Variants in PKIB observed in about 807,000 individuals in gnomAD.
The protein encoded by PKIB is cAMP-dependent protein kinase inhibitor beta.
PKIB carries 2 observed loss-of-function variants against 4.5 expected under a neutral mutation model. The observed-to-expected ratio is 0.44, with a 90% CI of 0.18 to 1.39. The LOEUF (loss-of-function observed/expected upper bound fraction) is 1.39, where lower values mean the gene tolerates loss of function less well. PKIB is among the 40% of genes most tolerant of loss of function. The pLI is 0.27. For missense variants in PKIB, 94 were observed against 92.6 expected, an observed-to-expected ratio of 1.02 and a Z score of -0.06; for synonymous variants, 38 against 36.0, an observed-to-expected ratio of 1.06 and a Z score of -0.20.
intron 1 of PKIB, among the ~76,000 whole-genome samples, chr6:122,622,942 T>G (rs1474002072): frequency 6.6e-6 from 1 of 152,206 alleles, no homozygotes; most frequent in Non-Finnish European, 1.5e-5. Context: ...TGATTTCAGT[T>G]TCTTTCTTCT....
At chr6:122,572,183 A>T (rs1323861697) in intron 2 of PKIB, among the ~76,000 whole-genome samples, 2 of 152,160 alleles carry the variant, frequency 1.3e-5, no homozygotes, top group African/African-American at 4.8e-5. Context: ...AAACAATACA[A>T]TAAAAAAAGA....
chr6:122,715,504 A>G (rs903933944), intron 3 of PKIB, among the ~76,000 whole-genome samples: 3 of 151,928 alleles, frequency 2.0e-5, no homozygotes, highest in African/African-American at 7.2e-5. Flanking sequence ...ACTGAAATTA[A>G]TGTACCATGG....
intron 2 of PKIB, among the ~76,000 whole-genome samples, chr6:122,671,125 C>T (rs1190254921): frequency 6.6e-6 from 1 of 152,018 alleles, no homozygotes; most frequent in Admixed American, 6.5e-5. Flanking sequence ...AACCCTGTCT[C>T]TACTAAAAAT....
intron 2 of PKIB, among the ~76,000 whole-genome samples, chr6:122,508,410 A>G (rs1776483359): frequency 6.6e-6 from 1 of 152,216 alleles, no homozygotes; most frequent in African/African-American, 2.4e-5. Flanking sequence ...ATGTTGTACA[A>G]TGTCCTTGGC....
rs202151178 is a variant in PKIB at position 122,697,671 on chromosome 6, A to G, written c.-8-20116A>G. 7.2e-5 allele frequency among the ~76,000 whole-genome samples: 11 copies of G among 152,252 alleles called. No individual in the cohort carries two copies. In the East Asian group the frequency reaches 1.9e-3, roughly 27 times the overall value. ...GGACATTTGTCTCATTGTGACTTAAATAGTTCTTTGAAAACCCATTAGGCT... is the reference window on the plus strand; with the variant it reads ...GGACATTTGTCTCATTGTGACTTAAGTAGTTCTTTGAAAACCCATTAGGCT... On this transcript the variant is annotated intron_variant, in intron 3 of 4. Coordinates refer to ENST00000368452, the MANE Select transcript of PKIB (RefSeq NM_181795.3).
intron 2 of PKIB, among the ~76,000 whole-genome samples, chr6:122,662,283 C>CTCTCCT (rs1777025096): frequency 2.3e-5 from 2 of 85,548 alleles, no homozygotes; most frequent in Admixed American, 2.5e-4. Context: ...GTCTCTTTCT[C>CTCTCCT]TCTCCTTCTT....
intron 2 of PKIB, among the ~76,000 whole-genome samples, chr6:122,522,987 G>C (rs1311296548): frequency 6.6e-6 from 1 of 151,986 alleles, no homozygotes; most frequent in Admixed American, 6.6e-5. Flanking sequence ...TGTTTGTTTT[G>C]ACTAAGGGCT....
chr6:122,657,859 T>C (rs1318285790), intron 2 of PKIB, among the ~76,000 whole-genome samples: 1 of 152,252 alleles, frequency 6.6e-6, no homozygotes, highest in African/African-American at 2.4e-5. Flanking sequence ...CATGCAGCTC[T>C]TTCTTGAGCC....
chr6:122,684,574 A>G (rs2114982647), intron 3 of PKIB, among the ~76,000 whole-genome samples: 1 of 152,236 alleles, frequency 6.6e-6, no homozygotes, highest in African/African-American at 2.4e-5. Context: ...AGAAACCACC[A>G]TTATCTTATA....
intron 2 of PKIB, among the ~76,000 whole-genome samples, chr6:122,512,745 AT>A (rs1291014430): frequency 2.0e-5 from 3 of 152,186 alleles, no homozygotes; most frequent in African/African-American, 7.2e-5. Context: ...ATTCCTTGAC[AT>A]TTAAAATTAG....
intron 1 of PKIB, among the ~76,000 whole-genome samples, chr6:122,476,933 T>C (rs1399374257): frequency 6.6e-6 from 1 of 152,190 alleles, no homozygotes; most frequent in African/African-American, 2.4e-5. Context: ...TTTGAATTCT[T>C]ATTAAACATG....
chr6:122,674,704 G>T (rs142923291), intron 2 of PKIB, among the ~76,000 whole-genome samples: 2 of 152,022 alleles, frequency 1.3e-5, no homozygotes, highest in Non-Finnish European at 1.5e-5. Flanking sequence ...TCCAAAGGTG[G>T]TATCATGCCA....
chr6:122,700,292 A>G (rs1276456002), intron 3 of PKIB, among the ~76,000 whole-genome samples: 1 of 101,322 alleles, frequency 9.9e-6, no homozygotes, highest in African/African-American at 3.4e-5. Context: ...GTCACTGGAC[A>G]TATTTGGTGG....
At chr6:122,715,025 TCTG>T (rs959681616) in intron 3 of PKIB, among the ~76,000 whole-genome samples, 2 of 151,660 alleles carry the variant, frequency 1.3e-5, no homozygotes, top group African/African-American at 4.8e-5. Flanking sequence ...GGCCTCATGA[TCTG>T]CTCACCTTGG....
chr6:122,496,024 G>C (rs1776068296), intron 2 of PKIB, among the ~76,000 whole-genome samples: 1 of 152,110 alleles, frequency 6.6e-6, no homozygotes, highest in Non-Finnish European at 1.5e-5. Flanking sequence ...GCTCAACCCA[G>C]CTGTGTCCCC....
At chr6:122,602,084 A>G (rs1359947389) in intron 3 of PKIB, among the ~76,000 whole-genome samples, 2 of 151,854 alleles carry the variant, frequency 1.3e-5, no homozygotes, top group East Asian at 3.9e-4. Flanking sequence ...GTAGTCCTGA[A>G]GTCTGGTTGT....
chr6:122,520,054 A>G lies in PKIB; in HGVS notation c.-248+42115A>G, dbSNP rs561663864. 4.6e-5 allele frequency among the ~76,000 whole-genome samples: 7 copies of G among 152,338 alleles called. No individual in the cohort carries two copies. In the East Asian group the frequency reaches 1.3e-3, roughly 29 times the overall value. ...TAATATTTCCAGTTATGTTATAGTTATCCATTGAGACTGAGTTCAGGCATC... is the reference window on the plus strand; with the variant it reads ...TAATATTTCCAGTTATGTTATAGTTGTCCATTGAGACTGAGTTCAGGCATC... On this transcript the variant is annotated intron_variant, in intron 2 of 6. Coordinates refer to the PKIB transcript ENST00000392491.
chr6:122,556,516 A>T (rs1229062449), intron 2 of PKIB, among the ~76,000 whole-genome samples: 2 of 152,114 alleles, frequency 1.3e-5, no homozygotes, highest in Non-Finnish European at 2.9e-5. Context: ...GCCAATTTTG[A>T]GTAGGACCAG....
At chr6:122,562,291 C>G (rs1222304836) in intron 2 of PKIB, among the ~76,000 whole-genome samples, 1 of 152,032 alleles carries the variant, frequency 6.6e-6, no homozygotes, top group South Asian at 2.1e-4. Flanking sequence ...GGCCCCAATC[C>G]CTTCTAGCTT....
Sources: allele counts gnomAD v4.1 joint callset (sites outside exome capture counted in the v4.1 genomes callset), GRCh38; gene constraint gnomAD v4.1.1; transcripts MANE v1.5; gene names NCBI Gene and HGNC (gene_info 2026-07-23, HGNC 2026-07-21).